The following PDE4D variants were observed in gnomAD, a reference collection of about 807,000 sequenced individuals.
The protein encoded by PDE4D is 3',5'-cyclic-AMP phosphodiesterase 4D.
A neutral mutation model predicts 87.4 loss-of-function variants in PDE4D; 24 were observed. The ratio of observed to expected loss-of-function variants is 0.27; its 90% CI spans 0.20 to 0.39. The LOEUF (loss-of-function observed/expected upper bound fraction) is 0.39. Among genes scored for constraint, PDE4D ranks in the 10% least tolerant of loss-of-function variants. The pLI is 1.00. For missense variants in PDE4D, 714 were observed against 1,041.0 expected (o/e 0.69, Z 4.32); for synonymous variants, 384 against 383.2 (o/e 1.00, Z -0.02).
At chr5:59,049,451 G>A (rs546966868) in intron 5 of PDE4D, among the ~76,000 whole-genome samples, 138 of 152,116 alleles carry the variant, frequency 9.1e-4, no homozygotes, top group African/African-American at 3.2e-3. Context: ...AACTAACATT[G>A]CCAAAATTTG....
chr5:59,292,107 G>A (rs1037150258), intron 1 of PDE4D, among the ~76,000 whole-genome samples: 2 of 151,966 alleles, frequency 1.3e-5, no homozygotes, highest in Non-Finnish European at 2.9e-5. Flanking sequence ...TATTCCATAT[G>A]GGGAAAGAAT....
At chr5:59,250,041 T>C (rs1049849899) in intron 1 of PDE4D, among the ~76,000 whole-genome samples, 4 of 152,050 alleles carry the variant, frequency 2.6e-5, no homozygotes, top group Middle Eastern at 3.4e-3. Flanking sequence ...GACAGGGCCT[T>C]GCTTTGTTGC....
intron 1 of PDE4D, among the ~76,000 whole-genome samples, chr5:59,560,300 G>T (rs201241489): frequency 6.6e-6 from 1 of 152,014 alleles, no homozygotes. Context: ...CCCACTACAC[G>T]CATTATCTGT....
At chr5:59,115,389 CTGT>C (rs1405896681) in intron 5 of PDE4D, among the ~76,000 whole-genome samples, 3 of 152,066 alleles carry the variant, frequency 2.0e-5, no homozygotes, top group South Asian at 2.1e-4. Context: ...TTTTCTTTTT[CTGT>C]TGTTGTTTTC....
At chr5:59,022,936 C>G (rs10065498) in intron 6 of PDE4D, among the ~76,000 whole-genome samples, 15,220 of 152,122 alleles carry the variant, frequency 0.1, 1,240 homozygotes, top group East Asian at 0.47. Context: ...AACACTTTGG[C>G]GGGCCAAGGT....
intron 2 of PDE4D, among the ~76,000 whole-genome samples, chr5:60,098,400 C>G (rs1390803103): frequency 1.3e-5 from 2 of 151,936 alleles, no homozygotes; most frequent in East Asian, 3.9e-4. Context: ...AATATTAATT[C>G]TTCTAATACA....
At chr5:60,292,796 A>G (rs1194744068) in intron 1 of PDE4D, among the ~76,000 whole-genome samples, 3 of 152,188 alleles carry the variant, frequency 2.0e-5, no homozygotes, top group Non-Finnish European at 4.4e-5. Flanking sequence ...GAGTAATACC[A>G]TTTATTAATA....
At chr5:59,227,620 T>G (rs1046393406) in intron 1 of PDE4D, among the ~76,000 whole-genome samples, 7 of 152,084 alleles carry the variant, frequency 4.6e-5, no homozygotes, top group Non-Finnish European at 8.8e-5. Context: ...AAGGCATACA[T>G]ATGGCCAATA....
intron 2 of PDE4D, among the ~76,000 whole-genome samples, chr5:60,024,704 G>A (rs1037254575): frequency 1.3e-5 from 2 of 152,032 alleles, no homozygotes; most frequent in Admixed American, 6.6e-5. Context: ...TTAAAACAGA[G>A]GTTTTTAAAT....
chr5:60,256,802 C>CTT (rs1749101952), intron 1 of PDE4D, among the ~76,000 whole-genome samples: 1 of 151,900 alleles, frequency 6.6e-6, no homozygotes, highest in Non-Finnish European at 1.5e-5. Flanking sequence ...AATGGGTTTG[C>CTT]TTCTTGGGAA....
intron 5 of PDE4D, among the ~76,000 whole-genome samples, chr5:59,171,870 T>C (rs1053084975): frequency 5.1e-4 from 58 of 114,112 alleles, no homozygotes; most frequent in Non-Finnish European, 8.8e-4. Flanking sequence ...TATATATTTA[T>C]ATGAGAAATA....
chr5:59,394,198 T>A (rs932599377), intron 1 of PDE4D, among the ~76,000 whole-genome samples: 2 of 152,222 alleles, frequency 1.3e-5, no homozygotes, highest in Non-Finnish European at 1.5e-5. Context: ...TGAGGCTGTG[T>A]TCTGTCTCAT....
In PDE4D at chr5:60,031,795, TGAGA is replaced by T. The variant is rs1271865825; in HGVS notation, c.43-43082_43-43079del. Among the ~76,000 whole-genome samples the T allele has an allele frequency of 1.2e-4, 18 of 151,644 alleles. 1 individual carries two copies. The highest frequency in any genetic ancestry group is 1.1e-3 in the Admixed American group (16 of 15,216). On this transcript the variant is annotated intron_variant, in intron 2 of 16. Transcript: ENST00000502484. ...AGAGAGGGAGGGAGAGAGAAAGAAA[TGAGA>T]GAGAAAGAGAAACAATGACAGGTTA...
intron 3 of PDE4D, among the ~76,000 whole-genome samples, chr5:59,979,711 G>A (rs541804854): frequency 6.6e-6 from 1 of 152,044 alleles, no homozygotes. Flanking sequence ...ATCTAAAAGT[G>A]CCCGGCTCCA....
intron 1 of PDE4D, among the ~76,000 whole-genome samples, chr5:59,370,093 T>C (rs1486121736): frequency 3.9e-5 from 6 of 152,184 alleles, no homozygotes; most frequent in African/African-American, 1.4e-4. Flanking sequence ...TCTCGCCATC[T>C]CCACTGCCAT....
chr5:59,182,342 A>T (rs2001663), intron 4 of PDE4D, among the ~76,000 whole-genome samples: 142,267 of 151,706 alleles, frequency 0.94, 67,144 homozygotes, highest in African/African-American at 0.97. Context: ...ACTACAGCCT[A>T]GAACTCCTGA....
intron 1 of PDE4D, among the ~76,000 whole-genome samples, chr5:60,470,541 A>G (rs1747734837): frequency 6.6e-6 from 1 of 152,204 alleles, no homozygotes; most frequent in South Asian, 2.1e-4. Flanking sequence ...AGAGAAGTCA[A>G]TTCCTAGTTT....
intron 1 of PDE4D, among the ~76,000 whole-genome samples, chr5:60,329,362 T>C (rs1731980276): frequency 1.3e-5 from 2 of 152,124 alleles, no homozygotes; most frequent in African/African-American, 2.4e-5. Flanking sequence ...GCTGCCACCA[T>C]GTAAAGAAGG....
In PDE4D at chr5:59,641,016, A is replaced by G. The variant is rs555025755; in HGVS notation, c.455+252152T>C. Reference sequence around the variant, plus strand: ...ATACTGCTACTCAGAAGTCACATTTATTTTTCAGGTTTTTTAGGCTGAGTC... The same window carrying G: ...ATACTGCTACTCAGAAGTCACATTTGTTTTTCAGGTTTTTTAGGCTGAGTC... On this transcript the variant is annotated intron_variant, in intron 1 of 14. Coordinates refer to ENST00000340635, the MANE Select transcript of PDE4D (RefSeq NM_001104631.2). Among the ~76,000 whole-genome samples the G allele has an allele frequency of 9.9e-5, 15 of 152,006 alleles. No individual in the cohort carries two copies. The East Asian group carries it at 2.9e-3, about 29-fold the overall frequency.
Sources: allele counts gnomAD v4.1 joint callset (sites outside exome capture counted in the v4.1 genomes callset), GRCh38; gene constraint gnomAD v4.1.1; transcripts MANE v1.5; gene names NCBI Gene and HGNC (gene_info 2026-07-23, HGNC 2026-07-21).